The following TFAP2A variants were observed in gnomAD, a reference collection of about 807,000 sequenced individuals.
TFAP2A encodes the protein transcription factor AP-2-alpha.
TFAP2A carries 7 observed loss-of-function variants against 41.5 expected under a neutral mutation model. That is an observed-to-expected ratio of 0.17 (90% CI 0.10 to 0.32). The LOEUF is 0.32. TFAP2A is among the 10% of genes least tolerant of loss of function. The pLI is 1.00. For missense variants in TFAP2A, 416 were observed against 563.3 expected, an observed-to-expected ratio of 0.74 and a Z score of 2.65; for synonymous variants, 247 against 242.8, an observed-to-expected ratio of 1.02 and a Z score of -0.16.
At chr6:10,411,771 C>T in intron 1 of TFAP2A, 1 of 1,465,824 alleles carries the variant, frequency 6.8e-7, no homozygotes, top group Non-Finnish European at 9.0e-7. Context: ...GGCTCGGATC[C>T]ATCCGAACTT....
intron 1 of TFAP2A, chr6:10,412,287 T>G: frequency 1.0e-6 from 1 of 986,012 alleles, no homozygotes; most frequent in Admixed American, 6.2e-5. Context: ...TTTAAAAGGT[T>G]GCAGGGCATG....
upstream of TFAP2A, chr6:10,415,493 T>C: frequency 4.1e-6 from 1 of 243,378 alleles, no homozygotes; most frequent in Non-Finnish European, 8.2e-6. Context: ...ACCCCCTCTC[T>C]TACCCCAATT....
rs537348327 is a variant in TFAP2A, at chr6:10,405,898, C to T, written c.538+895G>A. ...TCTTGAGAGATTACTAATAAAAGAG[C>T]CAATTATCATGTCGACTTGGAAAGA... On this transcript the variant is annotated intron_variant, in intron 3 of 6. Coordinates refer to ENST00000379613, the MANE Select transcript of TFAP2A (RefSeq NM_001372066.1). The T allele has an allele frequency of 1.4e-4, 22 of 152,210 alleles. No individual in the cohort carries two copies. The South Asian group carries it at 4.4e-3, about 30-fold the overall frequency. The allele number at this position is 152,210 out of a possible 1,614,324, so 9.4% of individuals were successfully genotyped here. A position where few individuals can be genotyped will look rare whatever the true frequency, so the allele number is the denominator to read the frequency against.
upstream of TFAP2A, chr6:10,417,321 C>A (rs775749024): frequency 5.3e-5 from 8 of 152,290 alleles, no homozygotes; most frequent in Non-Finnish European, 7.3e-5. Flanking sequence ...GCTGGGGCTG[C>A]TAAACTGTTG....
upstream of TFAP2A, chr6:10,416,039 T>C (rs1218168456): frequency 6.6e-6 from 1 of 152,232 alleles, no homozygotes; most frequent in Non-Finnish European, 1.5e-5. Context: ...GGGTGCAACG[T>C]GGACACGAAT....
intron 3 of TFAP2A, chr6:10,405,497 C>T (rs1757669396): frequency 6.6e-6 from 1 of 152,088 alleles, no homozygotes; most frequent in South Asian, 2.1e-4. Context: ...TAACAGTCCT[C>T]TGCTAAAGCG....
At chr6:10,413,161 C>G (rs759575351) in intron 1 of TFAP2A, among the ~76,000 whole-genome samples, 4 of 152,238 alleles carry the variant, frequency 2.6e-5, no homozygotes, top group Non-Finnish European at 5.9e-5. Flanking sequence ...TACAGAGCCC[C>G]GGCACAATCA....
At chr6:10,412,286 T>C (rs943630587) in intron 1 of TFAP2A, 2 of 984,990 alleles carry the variant, frequency 2.0e-6, no homozygotes, top group African/African-American at 3.6e-5. Flanking sequence ...TTTTAAAAGG[T>C]TGCAGGGCAT....
At position 10,410,261 on chromosome 6, in the gene TFAP2A, C is replaced by T. The variant is rs752157129; in HGVS notation, c.126G>A (p.Thr42=). 3.7e-6 allele frequency: 6 copies of T among 1,612,956 alleles called. No individual in the cohort carries two copies. Among genetic ancestry groups the T allele is most frequent in the Middle Eastern group, 1.7e-4 (1 of 5,848 alleles). The change falls in exon 2 of 7, where the codon ACG becomes ACA. Residue 42 remains threonine, a synonymous_variant. Transcript: ENST00000379613. Reference sequence around the variant, plus strand: ...GGGTGTGGGACAGCGGCGGGGCGCTCGTGTAGGGAGATTGACCTACAGTGC... The same window carrying T: ...GGGTGTGGGACAGCGGCGGGGCGCTTGTGTAGGGAGATTGACCTACAGTGC... ...QLGTVGQSPY[T]SAPPLSHTPN... is the part of the protein sequence containing the mutation.
chr6:10,415,054 G>T lies in TFAP2A; in HGVS notation c.-63C>A. 6.2e-7 allele frequency: 1 copy of T among 1,613,952 alleles called. No individual in the cohort carries two copies. Among genetic ancestry groups the T allele is most frequent in the Non-Finnish European group, 8.5e-7 (1 of 1,179,962 alleles). ...ACCCAAGTGGAGCTACTCTCTGGGT[G>T]AGCGCAAAGTGCTGGCTGCCGGCGG... On this transcript the variant is annotated 5_prime_UTR_variant, in exon 1 of 7. Transcript: ENST00000379613.
At chr6:10,403,000 G>C (rs1404952084) in intron 4 of TFAP2A, among the ~76,000 whole-genome samples, 1 of 152,216 alleles carries the variant, frequency 6.6e-6, no homozygotes, top group East Asian at 1.9e-4. Context: ...AACTGTCTTT[G>C]CAAGATATGC....
At chr6:10,403,131 A>T (rs1302819294) in intron 4 of TFAP2A, among the ~76,000 whole-genome samples, 1 of 152,264 alleles carries the variant, frequency 6.6e-6, no homozygotes, top group East Asian at 1.9e-4. Flanking sequence ...GCCTAACTGG[A>T]AATGTCAAAA....
At chr6:10,405,088 T>TG (rs1253568893) in intron 3 of TFAP2A, 1 of 350,354 alleles carries the variant, frequency 2.9e-6, no homozygotes, top group African/African-American at 2.1e-5. Flanking sequence ...GGGCCCCAGA[T>TG]GAGGTCCAGG....
rs1410668347 is a variant in TFAP2A at position 10,397,930 on chromosome 6, A to G, written c.*487T>C. The G allele has an allele frequency of 2.1e-6, 2 of 939,780 alleles. No homozygotes were observed. Among genetic ancestry groups the G allele is most frequent in the Non-Finnish European group, 2.5e-6 (2 of 790,916 alleles). The allele number at this position is 939,780 out of a possible 1,614,324, so 58.2% of individuals were successfully genotyped here. ...ATCTTTTGGCTTTTTTTTTTTTTTT[A>G]AGTATGGCTACAATCTGAACTGAAG... On this transcript the variant is annotated 3_prime_UTR_variant, in exon 7 of 7. Transcript: ENST00000379613.
chr6:10,398,545 T>A lies in TFAP2A; in HGVS notation c.1192A>T (p.Thr398Ser), dbSNP rs750068981. 6.2e-7 allele frequency: 1 copy of A among 1,614,206 alleles called. No homozygotes were observed. Among genetic ancestry groups the A allele is most frequent in the Non-Finnish European group, 8.5e-7 (1 of 1,180,030 alleles). The change falls in exon 7 of 7, where the codon ACG (threonine) becomes TCG (serine). Residue 398 changes from threonine to serine, a missense_variant. This residue lies in a region of TFAP2A where 116 missense variants were observed against 153.8 expected (regional missense o/e 0.75). Coordinates refer to ENST00000379613, the MANE Select transcript of TFAP2A (RefSeq NM_001372066.1). The surrounding 1 kb of genome is among the most constrained non-coding windows in gnomAD (Gnocchi z 5.3). ...FGSPAVCAAV[T>S]ALQNYLTEAL... ...TCGGTGAGATAGTTCTGCAGGGCCGTGACCGCGGCACACACCGCGGGGCTG... is the reference window on the plus strand; with the variant it reads ...TCGGTGAGATAGTTCTGCAGGGCCGAGACCGCGGCACACACCGCGGGGCTG...
chr6:10,412,943 G>A (rs941090567), intron 1 of TFAP2A: 2 of 152,752 alleles, frequency 1.3e-5, no homozygotes, highest in Non-Finnish European at 2.9e-5. Flanking sequence ...GCCGGGATGC[G>A]GGCCGGGGCG....
chr6:10,413,749 G>T (rs1581275034), intron 1 of TFAP2A, among the ~76,000 whole-genome samples: 1 of 152,100 alleles, frequency 6.6e-6, no homozygotes, highest in African/African-American at 2.4e-5. Flanking sequence ...AGGAGGGAGC[G>T]GGTGACACAT....
At chr6:10,400,911 A>G (rs543844253) in intron 5 of TFAP2A, 5 of 501,462 alleles carry the variant, frequency 1.0e-5, no homozygotes, top group African/African-American at 9.7e-5. Flanking sequence ...TTCCAACTTC[A>G]CACCTATCAA....
At chr6:10,407,043 G>A (rs989641079) in intron 2 of TFAP2A, 199 bp from the exon 3 acceptor site, 13 of 603,356 alleles carry the variant, frequency 2.2e-5, no homozygotes, top group Non-Finnish European at 3.5e-5. Context: ...GCACACCCAT[G>A]GCCAATTTCT....
Sources: gnomAD v4.1 joint callset for allele counts (sites outside exome capture counted in the v4.1 genomes callset) on GRCh38, gnomAD v4.1.1 for gene constraint, gnomAD v4.1.1 regional missense constraint, Gnocchi (gnomAD v3.1) non-coding constraint, MANE v1.5 for transcripts, NCBI Gene and HGNC (gene_info 2026-07-23, HGNC 2026-07-21) for gene names.